Variants in SPPL3 observed in about 807,000 individuals in gnomAD.
SPPL3 encodes the protein signal peptide peptidase-like 3.
Under a neutral mutation model 42.4 loss-of-function variants are expected in SPPL3, and 5 were observed. That is an observed-to-expected ratio of 0.12 (90% confidence interval 0.06 to 0.25). The LOEUF (loss-of-function observed/expected upper bound fraction) is 0.25, where lower values mean the gene tolerates loss of function less well. SPPL3 is among the 10% of genes least tolerant of loss of function. SPPL3 has a pLI of 1.00. For missense variants in SPPL3, 235 were observed against 489.0 expected (o/e 0.48, Z 4.90); for synonymous variants, 195 against 181.8 (o/e 1.07, Z -0.58).
intron 1 of SPPL3, among the ~76,000 whole-genome samples, chr12:120,842,643 G>A (rs941375945): frequency 6.6e-6 from 1 of 152,008 alleles, no homozygotes; most frequent in Non-Finnish European, 1.5e-5. Flanking sequence ...GCAGGTTCTC[G>A]GTGCATCCTC....
intron 1 of SPPL3, among the ~76,000 whole-genome samples, chr12:120,828,645 T>C (rs1871299969): frequency 6.6e-6 from 1 of 152,238 alleles, no homozygotes; most frequent in Non-Finnish European, 1.5e-5. Flanking sequence ...CTACAGTATT[T>C]ATAGTGTGAA....
At chr12:120,884,024 C>A (rs1332319358) in intron 1 of SPPL3, among the ~76,000 whole-genome samples, 1 of 151,404 alleles carries the variant, frequency 6.6e-6, no homozygotes, top group East Asian at 1.9e-4. Flanking sequence ...TCGCTTGAAC[C>A]CAGGAGGCGG....
In SPPL3 at chr12:120,782,641, A is replaced by T; in HGVS notation, c.502+14T>A. 1.3e-6 allele frequency: 2 copies of T among 1,571,764 alleles called. No homozygotes were observed. Among genetic ancestry groups the T allele is most frequent in the Non-Finnish European group, 1.7e-6 (2 of 1,147,100 alleles). ...TAAAGTAAAATTACAATTTGTCACA[A>T]ATTAGTCACTCACCATCCATGAGAA... On this transcript the variant is annotated intron_variant, in intron 6 of 10. Coordinates refer to ENST00000353487, the MANE Select transcript of SPPL3 (RefSeq NM_139015.5).
chr12:120,808,708 GA>G (rs1227981546), intron 2 of SPPL3, among the ~76,000 whole-genome samples: 1 of 152,114 alleles, frequency 6.6e-6, no homozygotes, highest in Non-Finnish European at 1.5e-5. Context: ...ATGATATGAA[GA>G]TAATTTGTAG....
intron 3 of SPPL3, among the ~76,000 whole-genome samples, chr12:120,790,977 C>A (rs537356742): frequency 1.3e-5 from 2 of 152,286 alleles, no homozygotes; most frequent in Admixed American, 6.5e-5. Flanking sequence ...CATGCGCCAC[C>A]ACACCTGGCT....
intron 1 of SPPL3, among the ~76,000 whole-genome samples, chr12:120,864,845 A>G (rs1872713358): frequency 6.6e-6 from 1 of 152,180 alleles, no homozygotes; most frequent in Non-Finnish European, 1.5e-5. Context: ...TCTAGTGTCA[A>G]GAGTTAACCA....
intron 1 of SPPL3, among the ~76,000 whole-genome samples, chr12:120,889,555 C>T (rs1467478380): frequency 6.6e-6 from 1 of 152,238 alleles, no homozygotes; most frequent in African/African-American, 2.4e-5. Flanking sequence ...GGCTGCTGCC[C>T]ATTCACTCTG....
intron 1 of SPPL3, among the ~76,000 whole-genome samples, chr12:120,853,972 A>ACACG (rs1219218277): frequency 1.5e-5 from 2 of 131,466 alleles, no homozygotes; most frequent in South Asian, 2.5e-4. Context: ...ACCACCACAC[A>ACACG]CACGCACACA....
At chr12:120,888,143 T>A (rs1214457124) in intron 1 of SPPL3, among the ~76,000 whole-genome samples, 1 of 152,216 alleles carries the variant, frequency 6.6e-6, no homozygotes, top group Non-Finnish European at 1.5e-5. Flanking sequence ...TGGCACCATC[T>A]CTGCTCACTG....
At chr12:120,840,922 AGAGT>A (rs965533494) in intron 1 of SPPL3, among the ~76,000 whole-genome samples, 1 of 148,456 alleles carries the variant, frequency 6.7e-6, no homozygotes, top group African/African-American at 2.5e-5. Flanking sequence ...CTTGGGCAAC[AGAGT>A]GAGACTCCAT....
intron 1 of SPPL3, among the ~76,000 whole-genome samples, chr12:120,855,869 T>G (rs1872437848): frequency 6.6e-6 from 1 of 152,168 alleles, no homozygotes; most frequent in African/African-American, 2.4e-5. Context: ...CATTGTCAGA[T>G]TCTGTGGCTG....
chr12:120,887,107 G>A (rs903160246), intron 1 of SPPL3, among the ~76,000 whole-genome samples: 17 of 151,596 alleles, frequency 1.1e-4, no homozygotes, highest in Admixed American at 9.2e-4. Context: ...CCACCATCAC[G>A]CCCGGCTAAT....
In SPPL3 at chr12:120,838,187, T is replaced by TG. The variant is rs751942944; in HGVS notation, c.24-27302dup. 5.9e-5 allele frequency among the ~76,000 whole-genome samples: 9 copies of TG among 152,098 alleles called. No individual in the cohort carries two copies. In the South Asian group the frequency reaches 6.2e-4, roughly 10 times the overall value. On this transcript the variant is annotated intron_variant, in intron 1 of 10. Transcript: ENST00000353487. The stretch of plus-strand genomic sequence containing the variant: ...AGACACGAAAGGCTAGAAAAAGAAA[T>TG]GGTCTCCTGAGAGATGGGCTATCTG...
In SPPL3 at chr12:120,768,459, G is replaced by A. The variant is rs1325833387; in HGVS notation, c.639C>T (p.Ser213=). 1.2e-6 allele frequency: 2 copies of A among 1,614,064 alleles called. No individual in the cohort carries two copies. Among genetic ancestry groups the A allele is most frequent in the Non-Finnish European group, 1.7e-6 (2 of 1,179,944 alleles). Residue 213 remains serine (S), a synonymous_variant, in exon 8 of 11, where the codon AGC becomes AGT. Transcript: ENST00000353487. ...WVFFSAYIFN[S]NVMVKVATQP... is the part of the protein sequence containing the mutation. ...GAGTGGCCACCTTCACCATGACGTT[G>A]CTATTGAAGATGTAGGCTGAGAAAA... is the stretch of plus-strand genomic sequence containing the variant.
At chr12:120,869,676 T>G (rs1014835840) in intron 1 of SPPL3, among the ~76,000 whole-genome samples, 6 of 152,228 alleles carry the variant, frequency 3.9e-5, no homozygotes, top group African/African-American at 9.6e-5. Context: ...TACTATTTAC[T>G]TCTTATGTTA....
chr12:120,884,550 TAA>T (rs35595273), intron 1 of SPPL3, among the ~76,000 whole-genome samples: 103 of 143,688 alleles, frequency 7.2e-4, no homozygotes, highest in South Asian at 3.5e-3. Flanking sequence ...TTGTATAATT[TAA>T]AAAAAAAAAA....
chr12:120,887,387 G>A (rs1358931509), intron 1 of SPPL3, among the ~76,000 whole-genome samples: 1 of 152,008 alleles, frequency 6.6e-6, no homozygotes, highest in Non-Finnish European at 1.5e-5. Context: ...CTCCTCCAGT[G>A]ATTATCCTCC....
chr12:120,876,024 C>A (rs116152864), intron 1 of SPPL3, among the ~76,000 whole-genome samples: 2,134 of 146,242 alleles, frequency 0.015, 46 homozygotes, highest in African/African-American at 0.046. Flanking sequence ...AGACCCCCCC[C>A]ACCCAAATCA....
chr12:120,801,821 C>G (rs1486396088), intron 2 of SPPL3, among the ~76,000 whole-genome samples: 1 of 152,168 alleles, frequency 6.6e-6, no homozygotes. Flanking sequence ...TGGCCACTGA[C>G]CCTGTCAGCT....
Sources: allele counts gnomAD v4.1 joint callset (sites outside exome capture counted in the v4.1 genomes callset), GRCh38; gene constraint gnomAD v4.1.1; transcripts MANE v1.5; gene names NCBI Gene and HGNC (gene_info 2026-07-23, HGNC 2026-07-21).